Variants in TOP1 observed in about 807,000 individuals in gnomAD.
The protein encoded by TOP1 is DNA topoisomerase 1.
In TOP1, 10 loss-of-function variants were observed where a neutral mutation model predicts 111.1. The ratio of observed to expected loss-of-function variants is 0.09; its 90% CI spans 0.06 to 0.15. The LOEUF is 0.15. TOP1 is among the 10% of genes least tolerant of loss of function. The probability of loss-of-function intolerance (pLI) is 1.00; values close to 1 mark genes in which losing one functional copy is unlikely to be tolerated. For synonymous variants in TOP1, 271 were observed against 302.9 expected, an observed-to-expected ratio of 0.89 and a Z score of 1.10; for missense variants, 474 against 926.7, an observed-to-expected ratio of 0.51 and a Z score of 6.34.
chr20:41,064,780 AATT>A (rs1215060446), intron 3 of TOP1, among the ~76,000 whole-genome samples: 3 of 151,996 alleles, frequency 2.0e-5, no homozygotes, highest in Non-Finnish European at 4.4e-5. Flanking sequence ...CTAGTGTAAT[AATT>A]ATTATATTTA....
rs1223636164 is a variant in TOP1, at chr20:41,100,798, T to C, written c.1164-411T>C. ...CCACTTTCACACTTTGGGGCCTTTA[T>C]TAAGTAAAAGAAGGATTACTTGAAC... On this transcript the variant is annotated intron_variant, in intron 12 of 20. Transcript: ENST00000361337. The surrounding 1 kb of genome is among the most constrained non-coding windows in gnomAD (Gnocchi z 4.4). 1.2e-5 allele frequency: 2 copies of C among 169,224 alleles called. No homozygotes were observed. Among genetic ancestry groups the C allele is most frequent in the Non-Finnish European group, 2.6e-5 (2 of 78,106 alleles). 10.5% of individuals were successfully genotyped at this position (169,224 alleles called of 1,614,324 possible).
chr20:41,087,364 A>C (rs1171106360), intron 8 of TOP1, among the ~76,000 whole-genome samples: 1 of 152,240 alleles, frequency 6.6e-6, no homozygotes, highest in East Asian at 1.9e-4. Context: ...AATTAAGTAC[A>C]CTTTTGTGTC....
chr20:41,108,118 C>T (rs563875182), intron 13 of TOP1, among the ~76,000 whole-genome samples: 3 of 152,312 alleles, frequency 2.0e-5, no homozygotes, highest in African/African-American at 7.2e-5. Context: ...GGTTTTACTT[C>T]ATGGAGGGCT....
Position 41,106,523 on chromosome 20 carries a change from G to A in TOP1, c.1308+5170G>A, listed in dbSNP as rs940721190. 6.6e-6 allele frequency among the ~76,000 whole-genome samples: 1 copy of A among 152,042 alleles called. No individual in the cohort carries two copies. The highest frequency in any genetic ancestry group is 1.5e-5 in the Non-Finnish European group (1 of 68,006). On this transcript the variant is annotated intron_variant, in intron 13 of 20. Coordinates refer to ENST00000361337, the MANE Select transcript of TOP1 (RefSeq NM_003286.4). The surrounding 1 kb of genome is among the most constrained non-coding windows in gnomAD (Gnocchi z 4.3). ...CAATACAATTGAGTTTCCAATTCACGAACATGTTATACCTCTCCATTAATT... is the reference window on the plus strand; with the variant it reads ...CAATACAATTGAGTTTCCAATTCACAAACATGTTATACCTCTCCATTAATT...
In TOP1 at chr20:41,101,885, C is replaced by T. The variant is rs994097058; in HGVS notation, c.1308+532C>T. Among the ~76,000 whole-genome samples, 3 of 152,252 alleles carry T rather than the reference C, an allele frequency of 2.0e-5. No individual in the cohort carries two copies. Among genetic ancestry groups the T allele is most frequent in the Non-Finnish European group, 2.9e-5 (2 of 68,040 alleles). On this transcript the variant is annotated intron_variant, in intron 13 of 20. Transcript: ENST00000361337. The surrounding 1 kb of genome is among the most constrained non-coding windows in gnomAD (Gnocchi z 4.1). ...AAATGAAATGTGTGTGAAAGCACATCATAAAACTGTGTTACATACCTATGC... is the reference window on the plus strand; with the variant it reads ...AAATGAAATGTGTGTGAAAGCACATTATAAAACTGTGTTACATACCTATGC...
In TOP1 at chr20:41,123,590, C is replaced by T. The variant is rs1479568711; in HGVS notation, c.*293C>T. The T allele has an allele frequency of 3.1e-6, 1 of 320,852 alleles. No individual in the cohort carries two copies. Among genetic ancestry groups the T allele is most frequent in the Non-Finnish European group, 5.7e-6 (1 of 174,416 alleles). 19.9% of individuals were successfully genotyped at this position (320,852 alleles called of 1,614,324 possible). ...TGGATGGGAATTTGTCAGCGTTCTA[C>T]CAGGCAAATTCACTGTTTCACTGAA... On this transcript the variant is annotated 3_prime_UTR_variant, in exon 21 of 21. Transcript: ENST00000361337. This position sits in a 1 kb window ranked among gnomAD's most constrained non-coding sequence, Gnocchi z 5.8.
At position 41,121,903 on chromosome 20, in the gene TOP1, T is replaced by A. The variant is rs2034429731; in HGVS notation, c.2046-103T>A. On this transcript the variant is annotated intron_variant, in intron 19 of 20. Coordinates refer to ENST00000361337, the MANE Select transcript of TOP1 (RefSeq NM_003286.4). The surrounding 1 kb of genome is among the most constrained non-coding windows in gnomAD (Gnocchi z 4.2). ...GTTTCTGAGAAATGTCTTTTGGAAA[T>A]CTCTATACTAGGGCTTTTATTGACT... 1.3e-6 allele frequency: 2 copies of A among 1,561,946 alleles called. No homozygotes were observed. Among genetic ancestry groups the A allele is most frequent in the Non-Finnish European group, 8.7e-7 (1 of 1,144,512 alleles).
chr20:41,073,410 A>C, intron 3 of TOP1: 3 of 985,022 alleles, frequency 3.0e-6, no homozygotes, highest in Non-Finnish European at 3.6e-6. Context: ...AAGAAAAGAA[A>C]AGAAACAAGC....
rs2034300937 is a variant in TOP1 at position 41,114,692 on chromosome 20, A to G, written c.1638+537A>G. ...TTGCTCAGCCTTTCTCCAACTCCTG[A>G]CTGAGTGAAAGGTTAATGTTAGTCC... On this transcript the variant is annotated intron_variant, in intron 15 of 20. Coordinates refer to ENST00000361337, the MANE Select transcript of TOP1 (RefSeq NM_003286.4). The surrounding 1 kb of genome is among the most constrained non-coding windows in gnomAD (Gnocchi z 4.5). Among the ~76,000 whole-genome samples, 2 of 152,176 alleles carry G rather than the reference A, an allele frequency of 1.3e-5. No homozygotes were observed. Among genetic ancestry groups the G allele is most frequent in the South Asian group, 4.1e-4 (2 of 4,826 alleles).
At chr20:41,043,053 T>C (rs1180182251) in intron 2 of TOP1, among the ~76,000 whole-genome samples, 6 of 152,192 alleles carry the variant, frequency 3.9e-5, no homozygotes, top group African/African-American at 1.4e-4. Context: ...TTCAAACACA[T>C]ATTGTTCAGG....
intron 5 of TOP1, 56 bp downstream of exon 5, chr20:41,077,693 T>C (rs1438709007): frequency 9.8e-6 from 15 of 1,527,090 alleles, no homozygotes; most frequent in Admixed American, 1.7e-5. Flanking sequence ...GCAGGCCAGC[T>C]GCCTGTGTTG....
intron 14 of TOP1, 54 bp from the exon 15 acceptor site, chr20:41,113,916 G>C: frequency 8.7e-7 from 1 of 1,148,434 alleles, no homozygotes; most frequent in Non-Finnish European, 1.3e-6. Flanking sequence ...ACGAAATTGT[G>C]TAAGGATCAT....
chr20:41,113,303 T>G (rs2034272212), intron 14 of TOP1, among the ~76,000 whole-genome samples: 1 of 152,194 alleles, frequency 6.6e-6, no homozygotes, highest in Non-Finnish European at 1.5e-5. Context: ...AAGTTCTGAA[T>G]TGTCTCAAAA....
intron 11 of TOP1, among the ~76,000 whole-genome samples, chr20:41,099,222 A>G (rs570406436): frequency 4.6e-5 from 7 of 152,340 alleles, no homozygotes; most frequent in South Asian, 2.1e-4. Flanking sequence ...ATGCATTACT[A>G]TAAGAATGTT....
At chr20:41,108,837 T>C (rs1421377948) in intron 13 of TOP1, among the ~76,000 whole-genome samples, 2 of 152,176 alleles carry the variant, frequency 1.3e-5, no homozygotes, top group Non-Finnish European at 2.9e-5. Flanking sequence ...AGGCTGCTTA[T>C]GGGTACTCAC....
intron 2 of TOP1, among the ~76,000 whole-genome samples, chr20:41,043,451 A>G (rs1482070377): frequency 6.6e-6 from 1 of 152,200 alleles, no homozygotes; most frequent in African/African-American, 2.4e-5. Flanking sequence ...TTAACACCAG[A>G]AAGGTTTCTT....
At chr20:41,039,141 A>G (rs763329641) in intron 2 of TOP1, among the ~76,000 whole-genome samples, 1 of 152,228 alleles carries the variant, frequency 6.6e-6, no homozygotes, top group Non-Finnish European at 1.5e-5. Context: ...ATATTCATTC[A>G]TACAAACATT....
At chr20:41,086,837 T>G (rs1407709020) in intron 8 of TOP1, among the ~76,000 whole-genome samples, 1 of 152,196 alleles carries the variant, frequency 6.6e-6, no homozygotes, top group Non-Finnish European at 1.5e-5. Flanking sequence ...ACCTTGCACA[T>G]TCTTTTCAAG....
At position 41,100,357 on chromosome 20, in the gene TOP1, G is replaced by C; in HGVS notation, c.1163+114G>C. On this transcript the variant is annotated intron_variant, in intron 12 of 20. Transcript: ENST00000361337. The surrounding 1 kb of genome is among the most constrained non-coding windows in gnomAD (Gnocchi z 4.4). ...TGTTTGGGAAGGGAGATACTTAAGA[G>C]CAGGACAGTATTTCATGCGTAGGTC... 2.4e-6 allele frequency: 2 copies of C among 841,928 alleles called. No homozygotes were observed. Among genetic ancestry groups the C allele is most frequent in the Non-Finnish European group, 3.6e-6 (2 of 550,020 alleles). The allele number at this position is 841,928 out of a possible 1,614,324, so 52.2% of individuals were successfully genotyped here.
Sources: gnomAD v4.1 joint callset for allele counts (sites outside exome capture counted in the v4.1 genomes callset) on GRCh38, gnomAD v4.1.1 for gene constraint, Gnocchi (gnomAD v3.1) non-coding constraint, MANE v1.5 for transcripts, NCBI Gene and HGNC (gene_info 2026-07-23, HGNC 2026-07-21) for gene names.